ZYG11A: variants seen among roughly 807,000 people sequenced by gnomAD.
ZYG11A encodes protein zyg-11 homolog A.
Under a neutral mutation model 77.2 loss-of-function variants are expected in ZYG11A, and 62 were observed. That is an observed-to-expected ratio of 0.80 (90% confidence interval 0.65 to 0.99). ZYG11A has a LOEUF of 0.99. Among genes scored for constraint, ZYG11A ranks in the 50% least tolerant of loss-of-function variants. The probability of loss-of-function intolerance (pLI) is 0.00; values close to 1 mark genes in which losing one functional copy is unlikely to be tolerated. For missense variants in ZYG11A, 828 were observed against 896.8 expected (o/e 0.92, Z 0.98); for synonymous variants, 315 against 324.6 (o/e 0.97, Z 0.32).
chr1:52,869,920 CACA>C (rs1646113197), intron 8 of ZYG11A, among the ~76,000 whole-genome samples: 1 of 68,280 alleles, frequency 1.5e-5, no homozygotes, highest in Admixed American at 1.2e-4. Flanking sequence ...TGACCCCCCC[CACA>C]CCTCCCTCCC....
chr1:52,882,138 C>T (rs1486490514), intron 11 of ZYG11A, among the ~76,000 whole-genome samples: 1 of 152,214 alleles, frequency 6.6e-6, no homozygotes, highest in Non-Finnish European at 1.5e-5. Context: ...AGCGATCTGC[C>T]TACCTTGGCC....
In ZYG11A at chr1:52,894,507, T is replaced by G. The variant is rs1646593649; in HGVS notation, c.*1550T>G. On this transcript the variant is annotated 3_prime_UTR_variant, in exon 14 of 14. Transcript: ENST00000371528. ...TCCTTGCCTTATTGTTGACTGTTAATGAACATGTTTTGTCATTTATCTGTT... is the reference window on the plus strand; with the variant it reads ...TCCTTGCCTTATTGTTGACTGTTAAGGAACATGTTTTGTCATTTATCTGTT... 1 of 152,250 alleles carries G rather than the reference T, an allele frequency of 6.6e-6. No individual in the cohort carries two copies. Among genetic ancestry groups the G allele is most frequent in the Non-Finnish European group, 1.5e-5 (1 of 68,044 alleles). 9.4% of individuals were successfully genotyped at this position (152,250 alleles called of 1,614,324 possible). A position where few individuals can be genotyped will look rare whatever the true frequency, so the allele number is the denominator to read the frequency against.
chr1:52,846,796 G>T (rs1645593894), intron 1 of ZYG11A, among the ~76,000 whole-genome samples: 1 of 151,534 alleles, frequency 6.6e-6, no homozygotes, highest in South Asian at 2.1e-4. Flanking sequence ...GTGTAGAGTG[G>T]TACTAGGACC....
chr1:52,870,465 C>T (rs534416382), intron 8 of ZYG11A, among the ~76,000 whole-genome samples: 8 of 152,302 alleles, frequency 5.3e-5, no homozygotes, highest in South Asian at 2.1e-4. Context: ...GGGCGGCGGC[C>T]GGGCAGAGGC....
chr1:52,867,102 A>G (rs1438027232), intron 6 of ZYG11A, among the ~76,000 whole-genome samples: 3 of 152,234 alleles, frequency 2.0e-5, no homozygotes, highest in Non-Finnish European at 4.4e-5. Context: ...GAGCAGAGAA[A>G]TGAGGCACAA....
In ZYG11A at chr1:52,892,790, T is replaced by TA. The variant is rs1557463207; in HGVS notation, c.2114dup (p.Tyr705Ter). Residue 705 changes from tyrosine to a stop codon, truncating the protein, a stop_gained and frameshift_variant, in exon 14 of 14, where the codon TAC becomes TAAC. Transcript: ENST00000371528. LOFTEE classifies it low-confidence loss of function (END_TRUNC). ...YHVCSKNPSK[Y>*]CKMLVEEEGL... The stretch of plus-strand genomic sequence containing the variant: ...GCTTGATTTTCTTTCAGCCAGCAAA[T>TA]ACTGCAAAATGTTAGTTGAAGAAGA... 3 of 1,551,534 alleles carry TA rather than the reference T, an allele frequency of 1.9e-6. No individual in the cohort carries two copies. The highest frequency in any genetic ancestry group is 2.6e-6 in the Non-Finnish European group (3 of 1,146,966).
chr1:52,885,202 C>T (rs1646427757), intron 11 of ZYG11A, among the ~76,000 whole-genome samples: 1 of 152,064 alleles, frequency 6.6e-6, no homozygotes. Flanking sequence ...AGCCACCGTG[C>T]CCGGCCCACT....
intron 5 of ZYG11A, among the ~76,000 whole-genome samples, chr1:52,865,608 A>G (rs776934322): frequency 1.3e-5 from 2 of 152,222 alleles, no homozygotes; most frequent in East Asian, 1.9e-4. Flanking sequence ...TAATAAATCT[A>G]TTTAGGGAAA....
chr1:52,881,650 T>C lies in ZYG11A; in HGVS notation c.1929T>C (p.Thr643=). The C allele has an allele frequency of 1.3e-6, 2 of 1,551,340 alleles. No individual in the cohort carries two copies. Among genetic ancestry groups the C allele is most frequent in the Non-Finnish European group, 1.7e-6 (2 of 1,146,716 alleles). ...LWISRDFQRR[T]LLQDLHATIQ... ...TATCCCGTGACTTCCAGAGGCGTAC[T>C]CTTCTCCAAGATCTGGTACAGGAAC... The change falls in exon 11 of 14, where the codon ACT becomes ACC. Residue 643 remains threonine, a synonymous_variant. Transcript: ENST00000371528.
intron 3 of ZYG11A, 44 bp downstream of exon 3, chr1:52,857,793 A>G: frequency 6.8e-7 from 1 of 1,475,064 alleles, no homozygotes; most frequent in Non-Finnish European, 9.0e-7. Context: ...TGTTTAGAAC[A>G]TTATTAAACT....
At chr1:52,856,914 T>C in intron 2 of ZYG11A, 84 bp from the exon 3 acceptor site, 1 of 1,350,416 alleles carries the variant, frequency 7.4e-7, no homozygotes, top group Non-Finnish European at 9.9e-7. Flanking sequence ...ATTATTAACA[T>C]CTGTCTTAAT....
At chr1:52,876,682 G>A (rs980635891) in intron 8 of ZYG11A, among the ~76,000 whole-genome samples, 1 of 152,066 alleles carries the variant, frequency 6.6e-6, no homozygotes, top group Non-Finnish European at 1.5e-5. Context: ...GAGTGCACCC[G>A]TCTCATCTAA....
rs1215181389 is a variant in ZYG11A, at chr1:52,842,929, C to A, written c.46C>A (p.Pro16Thr). The A allele has an allele frequency of 4.6e-6, 7 of 1,529,504 alleles. No homozygotes were observed. In the African/African-American group the frequency reaches 5.7e-5, roughly 12 times the overall value. 94.7% of individuals were successfully genotyped at this position (1,529,504 alleles called of 1,614,324 possible). A position where few individuals can be genotyped will look rare whatever the true frequency, so the allele number is the denominator to read the frequency against. ...GGGCCACACGCCCCGGAACATCGTCCCTCCTGACGCTCAGAAGGATGCCCT... is the reference window on the plus strand; with the variant it reads ...GGGCCACACGCCCCGGAACATCGTCACTCCTGACGCTCAGAAGGATGCCCT... ...HPGHTPRNIVPPDAQKDALGC... is the reference protein window; with the variant it reads ...HPGHTPRNIVTPDAQKDALGC... The change falls in exon 1 of 14, where the codon CCT becomes ACT. Residue 16 changes from proline (P) to threonine (T), a missense_variant. Pro to Thr is a conservative substitution (Grantham distance 38). Coordinates refer to ENST00000371528, the MANE Select transcript of ZYG11A (RefSeq NM_001004339.3).
In ZYG11A at chr1:52,857,139, C is replaced by A; in HGVS notation, c.398C>A (p.Thr133Asn). ...CRHKLIELNATAVHADLPVPD... is the reference protein window; with the variant it reads ...CRHKLIELNANAVHADLPVPD... ...CATAAGCTCATTGAACTGAATGCTA[C>A]TGCAGTGCACGCTGACCTCCCAGTT... is the stretch of plus-strand genomic sequence containing the variant. The change falls in exon 3 of 14, where the codon ACT becomes AAT. Residue 133 changes from threonine (T) to asparagine (N), a missense_variant. Physicochemically the swap from Thr to Asn is moderately conservative, Grantham distance 65. Transcript: ENST00000371528. The A allele has an allele frequency of 6.4e-7, 1 of 1,551,940 alleles. No individual in the cohort carries two copies.
chr1:52,883,044 C>T (rs1454760590), intron 11 of ZYG11A, among the ~76,000 whole-genome samples: 1 of 149,530 alleles, frequency 6.7e-6, no homozygotes, highest in Non-Finnish European at 1.5e-5. Context: ...AATATAATAT[C>T]CTGTTTTTGT....
At chr1:52,866,180 G>T (rs1229627030) in intron 5 of ZYG11A, among the ~76,000 whole-genome samples, 2 of 151,912 alleles carry the variant, frequency 1.3e-5, no homozygotes, top group East Asian at 3.9e-4. Context: ...CTCGTGATCC[G>T]CCTGCCTCTG....
intron 8 of ZYG11A, among the ~76,000 whole-genome samples, chr1:52,876,418 T>C (rs1646262236): frequency 1.3e-5 from 2 of 152,122 alleles, no homozygotes; most frequent in South Asian, 4.1e-4. Context: ...CTAGTTGAGA[T>C]ACAGATAAAG....
intron 11 of ZYG11A, among the ~76,000 whole-genome samples, chr1:52,882,154 A>G (rs1240440974): frequency 6.6e-6 from 1 of 152,212 alleles, no homozygotes; most frequent in Non-Finnish European, 1.5e-5. Context: ...TGGCCTCCCA[A>G]AGTGCTGGGA....
chr1:52,876,253 C>A (rs1439071952), intron 8 of ZYG11A, among the ~76,000 whole-genome samples: 1 of 152,034 alleles, frequency 6.6e-6, no homozygotes, highest in Non-Finnish European at 1.5e-5. Context: ...AAATTGAGAC[C>A]AGGTGAGCTC....
Sources: allele counts gnomAD v4.1 joint callset (sites outside exome capture counted in the v4.1 genomes callset), GRCh38; gene constraint gnomAD v4.1.1; transcripts MANE v1.5; gene names NCBI Gene and HGNC (gene_info 2026-07-23, HGNC 2026-07-21).